The following PCM1 variants were observed in gnomAD, a reference collection of about 807,000 sequenced individuals.
The protein encoded by PCM1 is pericentriolar material 1.
PCM1 carries 157 observed loss-of-function variants against 241.9 expected under a neutral mutation model. The observed-to-expected ratio is 0.65, with a 90% CI of 0.57 to 0.74. PCM1 has a LOEUF of 0.74. Among genes scored for constraint, PCM1 ranks in the 30% least tolerant of loss-of-function variants. PCM1 has a pLI of 0.00. For synonymous variants in PCM1, 1,085 were observed against 784.9 expected (o/e 1.38, Z -6.39); for missense variants, 3,478 against 2,360.1 (o/e 1.47, Z -9.81).
At chr8:17,932,233 G>A (rs113606860) in intron 2 of PCM1, among the ~76,000 whole-genome samples, 46 of 152,134 alleles carry the variant, frequency 3.0e-4, no homozygotes, top group African/African-American at 7.7e-4. Flanking sequence ...CAATTATAGC[G>A]TAATAAACAA....
chr8:17,928,562 G>A (rs938363371), intron 2 of PCM1, among the ~76,000 whole-genome samples: 1 of 148,354 alleles, frequency 6.7e-6, no homozygotes, highest in African/African-American at 2.5e-5. Flanking sequence ...CTTTCTCAGA[G>A]CCCACATGCT....
At chr8:17,960,607 C>T (rs1325637781) in intron 15 of PCM1, among the ~76,000 whole-genome samples, 163 bp downstream of exon 15, 2 of 147,582 alleles carry the variant, frequency 1.4e-5, no homozygotes, top group Non-Finnish European at 3.0e-5. Flanking sequence ...TCACTGCAAG[C>T]TCTGCCTCTT....
At chr8:17,952,341 C>G (rs1025074280) in intron 8 of PCM1, among the ~76,000 whole-genome samples, 1 of 151,994 alleles carries the variant, frequency 6.6e-6, no homozygotes, top group Non-Finnish European at 1.5e-5. Flanking sequence ...AGAAAGAAGG[C>G]AAGAGAGAGA....
chr8:17,937,134 G>T lies in PCM1; in HGVS notation c.97G>T (p.Asp33Tyr). 1 of 1,556,424 alleles carries T rather than the reference G, an allele frequency of 6.4e-7. No homozygotes were observed. The highest frequency in any genetic ancestry group is 8.7e-7 in the Non-Finnish European group (1 of 1,148,892). Residue 33 changes from aspartate to tyrosine, a missense_variant and splice_region_variant, in exon 4 of 39, where the codon GAT (aspartate) becomes TAT (tyrosine). Transcript: ENST00000325083. ...ENVDDRLNNM[D>Y]WGAQQKKANR... ...AATTTTTGCTTTTACTTTTTTAAAGGATTGGGGTGCCCAACAGAAGAAAGC... is the reference window on the plus strand; with the variant it reads ...AATTTTTGCTTTTACTTTTTTAAAGTATTGGGGTGCCCAACAGAAGAAAGC...
intron 18 of PCM1, 113 bp downstream of exon 18, chr8:17,964,881 C>A: frequency 1.3e-6 from 1 of 741,962 alleles, no homozygotes; most frequent in African/African-American, 1.7e-5. Context: ...CAACTCAATT[C>A]AATTTTTACA....
chr8:18,020,544 G>A (rs1198205970), intron 36 of PCM1, among the ~76,000 whole-genome samples: 1 of 152,038 alleles, frequency 6.6e-6, no homozygotes, highest in Non-Finnish European at 1.5e-5. Context: ...TGTGTGTGTG[G>A]TATCATAACT....
chr8:17,939,928 A>G (rs562649537), intron 6 of PCM1, 67 bp downstream of exon 6: 7 of 1,120,906 alleles, frequency 6.2e-6, no homozygotes, highest in Non-Finnish European at 7.8e-6. Flanking sequence ...TACTGATGAC[A>G]TTCTGATGCC....
intron 36 of PCM1, among the ~76,000 whole-genome samples, chr8:18,020,587 C>A (rs2093671490): frequency 1.3e-5 from 2 of 152,114 alleles, no homozygotes; most frequent in Non-Finnish European, 2.9e-5. Context: ...TGGAAAACTT[C>A]ATTAAATAAT....
At chr8:17,946,005 C>A (rs6586672) in intron 6 of PCM1, among the ~76,000 whole-genome samples, 1 of 151,976 alleles carries the variant, frequency 6.6e-6, no homozygotes, top group Non-Finnish European at 1.5e-5. Flanking sequence ...AATACAATTA[C>A]GGTATACGTT....
intron 36 of PCM1, among the ~76,000 whole-genome samples, chr8:18,021,615 A>AT (rs1477944837): frequency 6.6e-6 from 1 of 152,216 alleles, no homozygotes; most frequent in Non-Finnish European, 1.5e-5. Flanking sequence ...AGGTTATCAG[A>AT]TAAACAGGAT....
At chr8:18,013,232 T>C (rs1564384774) in intron 34 of PCM1, among the ~76,000 whole-genome samples, 1 of 152,216 alleles carries the variant, frequency 6.6e-6, no homozygotes, top group African/African-American at 2.4e-5. Flanking sequence ...CCCACCGTTA[T>C]ACAGGCATGC....
chr8:17,966,704 G>C (rs1486515159), intron 20 of PCM1, among the ~76,000 whole-genome samples: 1 of 152,090 alleles, frequency 6.6e-6, no homozygotes, highest in Admixed American at 6.6e-5. Flanking sequence ...CAGATTTTAT[G>C]GTGTGTAAAT....
intron 29 of PCM1, among the ~76,000 whole-genome samples, chr8:17,999,153 G>C (rs920698708): frequency 6.6e-6 from 1 of 151,934 alleles, no homozygotes; most frequent in African/African-American, 2.4e-5. Flanking sequence ...CACTGTGATC[G>C]CTCTGGTACT....
At chr8:17,979,702 A>G (rs1437968861) in intron 23 of PCM1, among the ~76,000 whole-genome samples, 1 of 152,230 alleles carries the variant, frequency 6.6e-6, no homozygotes, top group Non-Finnish European at 1.5e-5. Flanking sequence ...GAAATGCATA[A>G]GATTATTAAA....
At chr8:17,926,497 T>A (rs2057007352) in intron 2 of PCM1, 1 of 152,200 alleles carries the variant, frequency 6.6e-6, no homozygotes, top group Non-Finnish European at 1.5e-5. Flanking sequence ...ATTTTAAAAG[T>A]ATCTATGTGT....
intron 29 of PCM1, 106 bp downstream of exon 29, chr8:17,993,725 CA>C (rs2085602916): frequency 8.8e-6 from 8 of 908,756 alleles, no homozygotes; most frequent in Non-Finnish European, 1.3e-5. Flanking sequence ...TAAACAACAA[CA>C]AAAAAACTAT....
chr8:17,964,317 A>C (rs538357244), intron 17 of PCM1, among the ~76,000 whole-genome samples: 1 of 152,292 alleles, frequency 6.6e-6, no homozygotes, highest in South Asian at 2.1e-4. Flanking sequence ...TAGCTTTGGG[A>C]AGTAGTCCCA....
intron 6 of PCM1, among the ~76,000 whole-genome samples, chr8:17,943,576 G>A (rs558816006): frequency 1.1e-3 from 162 of 151,982 alleles, no homozygotes; most frequent in African/African-American, 3.9e-3. Context: ...CTGTTTTTAG[G>A]TTTCTTTGAA....
At chr8:17,939,070 G>C in intron 5 of PCM1, 61 bp downstream of exon 5, 1 of 1,562,266 alleles carries the variant, frequency 6.4e-7, no homozygotes, top group Non-Finnish European at 8.7e-7. Context: ...CAACAGTAAG[G>C]TTTAGAAAAT....
Sources: gnomAD v4.1 joint callset for allele counts (sites outside exome capture counted in the v4.1 genomes callset) on GRCh38, gnomAD v4.1.1 for gene constraint, MANE v1.5 for transcripts, NCBI Gene and HGNC (gene_info 2026-07-23, HGNC 2026-07-21) for gene names.